Variants in TLCD3B observed in about 807,000 individuals in gnomAD.
The protein encoded by TLCD3B is ceramide synthase.
TLCD3B carries 9 observed loss-of-function variants against 23.0 expected under a neutral mutation model. That is an observed-to-expected ratio of 0.39 (90% CI 0.24 to 0.68). The LOEUF is 0.68. Among genes scored for constraint, TLCD3B ranks in the 30% least tolerant of loss-of-function variants. TLCD3B has a pLI of 0.44. For missense variants in TLCD3B, 307 were observed against 371.8 expected, an observed-to-expected ratio of 0.83 and a Z score of 1.43; for synonymous variants, 161 against 161.0, an observed-to-expected ratio of 1.00 and a Z score of 0.00.
At chr16:30,038,486 T>C (rs2150991239) in intron 3 of TLCD3B, among the ~76,000 whole-genome samples, 1 of 152,086 alleles carries the variant, frequency 6.6e-6, no homozygotes, top group East Asian at 1.9e-4. Flanking sequence ...GCGCAGTGGC[T>C]CACGCCTGTA....
chr16:30,030,346 C>A, intron 1 of TLCD3B, 57 bp downstream of exon 1: 1 of 1,482,268 alleles, frequency 6.7e-7, no homozygotes, highest in Non-Finnish European at 9.1e-7. Flanking sequence ...AGGTCCCTTC[C>A]ATTCCCTGAG....
upstream of TLCD3B, chr16:30,032,642 GT>G (rs560203961): frequency 0.38 from 37,375 of 98,422 alleles, 5,074 homozygotes; most frequent in African/African-American, 0.48. Flanking sequence ...ATTTTGTGGG[GT>G]TTTTTTTTTT....
At chr16:30,045,604 GTT>G (rs2071658779) in intron 2 of TLCD3B, among the ~76,000 whole-genome samples, 2 of 141,118 alleles carry the variant, frequency 1.4e-5, no homozygotes, top group Non-Finnish European at 1.5e-5. Flanking sequence ...TGGTGTGTGT[GTT>G]TGTGTGGTGT....
rs1237473872 is a variant in TLCD3B at position 30,025,362 on chromosome 16, C to G, written c.646G>C (p.Gly216Arg). The change falls in exon 5 of 5, where the codon GGG becomes CGG. Residue 216 changes from glycine (G) to arginine (R), a missense_variant. Physicochemically the swap from Gly to Arg is moderately radical, Grantham distance 125. Coordinates refer to ENST00000380495, the MANE Select transcript of TLCD3B (RefSeq NM_031478.6). This position sits in a 1 kb window ranked among gnomAD's most constrained non-coding sequence, Gnocchi z 4.1. ...LLFPYLYWAY[G>R]RHAGLPLLAV... ...AGCAGGGGCAGGCCGGCATGGCGCC[C>G]GTAGGCCCAGTACAGGTAGGGAAAG... is the stretch of plus-strand genomic sequence containing the variant. The G allele has an allele frequency of 6.2e-7, 1 of 1,601,276 alleles. No individual in the cohort carries two copies. The highest frequency in any genetic ancestry group is 8.5e-7 in the Non-Finnish European group (1 of 1,173,952).
Position 30,024,812 on chromosome 16 carries a change from C to A in TLCD3B, c.*371G>T. On this transcript the variant is annotated 3_prime_UTR_variant, in exon 5 of 5. Coordinates refer to ENST00000380495, the MANE Select transcript of TLCD3B (RefSeq NM_031478.6). The stretch of plus-strand genomic sequence containing the variant: ...CTCTCCTCTCGGGTGATGGGGAGCC[C>A]TGGGGGATGGCAGCATAGGGGCTGG... 1 of 231,260 alleles carries A rather than the reference C, an allele frequency of 4.3e-6. No homozygotes were observed. Among genetic ancestry groups the A allele is most frequent in the Non-Finnish European group, 8.3e-6 (1 of 120,862 alleles). 14.3% of individuals were successfully genotyped at this position (231,260 alleles called of 1,614,324 possible).
At chr16:30,035,760 TTTTTTC>T (rs2071458746), upstream of TLCD3B, among the ~76,000 whole-genome samples, 2 of 123,928 alleles carry the variant, frequency 1.6e-5, no homozygotes, top group African/African-American at 6.6e-5. Context: ...TTTTCTTTTC[TTTTTTC>T]TTTTTTTTTT....
At chr16:30,039,210 G>A (rs76690247) in intron 3 of TLCD3B, among the ~76,000 whole-genome samples, 15 of 141,372 alleles carry the variant, frequency 1.1e-4, no homozygotes, top group African/African-American at 3.7e-4. Context: ...CGCAAACGTC[G>A]CCTCCCAGAT....
chr16:30,035,887 T>C (rs757190581), upstream of TLCD3B, among the ~76,000 whole-genome samples: 8 of 151,692 alleles, frequency 5.3e-5, no homozygotes, highest in Non-Finnish European at 1.0e-4. Context: ...TTCAGCCTCC[T>C]GAGTAGCTGG....
chr16:30,043,991 A>T (rs1437054568), intron 2 of TLCD3B, among the ~76,000 whole-genome samples: 1 of 148,862 alleles, frequency 6.7e-6, no homozygotes, highest in Non-Finnish European at 1.5e-5. Context: ...CACCATGGTT[A>T]GCATGAGCTA....
chr16:30,028,781 CT>C (rs1299000486), intron 2 of TLCD3B, among the ~76,000 whole-genome samples: 12 of 152,194 alleles, frequency 7.9e-5, no homozygotes, highest in Non-Finnish European at 1.0e-4. Context: ...TCTAAGGCAA[CT>C]TGCAACGGGC....
At chr16:30,030,268 TG>T in intron 1 of TLCD3B, 134 bp downstream of exon 1, 1 of 1,155,124 alleles carries the variant, frequency 8.7e-7, no homozygotes, top group Non-Finnish European at 1.2e-6. Flanking sequence ...AGAGGAAGCC[TG>T]GGGGTAAAGC....
intron 3 of TLCD3B, among the ~76,000 whole-genome samples, chr16:30,040,147 A>AAAAAAAAAAAAAATATATATATATATAT: frequency 1.0e-5 from 1 of 95,898 alleles, no homozygotes; most frequent in African/African-American, 4.3e-5. Flanking sequence ...AAAAAAAAAA[A>AAAAAAAAAAAAAATATATATATATATAT]ATATATATAT....
chr16:30,025,180 G>C lies in TLCD3B; in HGVS notation c.*3C>G. 6.9e-7 allele frequency: 1 copy of C among 1,446,020 alleles called. No homozygotes were observed. Among genetic ancestry groups the C allele is most frequent in the African/African-American group, 1.4e-5 (1 of 69,134 alleles). The allele number at this position is 1,446,020 out of a possible 1,614,324, so 89.6% of individuals were successfully genotyped here. A position where few individuals can be genotyped will look rare whatever the true frequency, so the allele number is the denominator to read the frequency against. ...GGGAGGGGGAGGGTCCCGGCCCCCG[G>C]CCTCAGTCCTGGGCCTGGCAGGCCG... On this transcript the variant is annotated 3_prime_UTR_variant, in exon 5 of 5. Coordinates refer to ENST00000380495, the MANE Select transcript of TLCD3B (RefSeq NM_031478.6). The surrounding 1 kb of genome is among the most constrained non-coding windows in gnomAD (Gnocchi z 4.1).
intron 2 of TLCD3B, among the ~76,000 whole-genome samples, chr16:30,027,436 G>A (rs1272529111): frequency 6.6e-6 from 1 of 152,202 alleles, no homozygotes; most frequent in Non-Finnish European, 1.5e-5. Flanking sequence ...GCCAAGGAAG[G>A]GACATGGGCG....
upstream of TLCD3B, among the ~76,000 whole-genome samples, chr16:30,032,446 GTC>G (rs1382443186): frequency 1.3e-5 from 2 of 152,078 alleles, no homozygotes; most frequent in South Asian, 2.1e-4. Flanking sequence ...CACCCAAGAA[GTC>G]TCACGCTGAT....
intron 1 of TLCD3B, among the ~76,000 whole-genome samples, chr16:30,047,615 C>T (rs536155435): frequency 6.6e-6 from 1 of 152,110 alleles, no homozygotes; most frequent in African/African-American, 2.4e-5. Flanking sequence ...AGCCACCACA[C>T]CCAGCCTAAT....
At chr16:30,034,427 A>AT (rs1226393841), upstream of TLCD3B, among the ~76,000 whole-genome samples, 1 of 151,016 alleles carries the variant, frequency 6.6e-6, no homozygotes, top group Non-Finnish European at 1.5e-5. Flanking sequence ...AAAAAAAAAA[A>AT]AAATTAGCCA....
chr16:30,026,956 A>G, intron 2 of TLCD3B, 113 bp from the exon 3 acceptor site: 3 of 866,680 alleles, frequency 3.5e-6, no homozygotes, highest in Non-Finnish European at 5.6e-6. Flanking sequence ...AGTCTTGGGT[A>G]CAGATGAGGG....
Position 30,030,559 on chromosome 16 carries a change from G to T in TLCD3B, c.-32C>A, listed in dbSNP as rs562878688. 2.6e-6 allele frequency: 4 copies of T among 1,544,974 alleles called. No individual in the cohort carries two copies. Among genetic ancestry groups the T allele is most frequent in the Middle Eastern group, 1.8e-4 (1 of 5,540 alleles). ...TCAGGACTTGGGCAGGGAGGCAGGC[G>T]GGCCGTGAAGGGGCAGGGAGGCCGA... On this transcript the variant is annotated 5_prime_UTR_variant, in exon 1 of 5. Coordinates refer to ENST00000380495, the MANE Select transcript of TLCD3B (RefSeq NM_031478.6).
Sources: allele counts gnomAD v4.1 joint callset (sites outside exome capture counted in the v4.1 genomes callset), GRCh38; gene constraint gnomAD v4.1.1; non-coding constraint Gnocchi (gnomAD v3.1); transcripts MANE v1.5; gene names NCBI Gene and HGNC (gene_info 2026-07-23, HGNC 2026-07-21).